Variants in KDM4C observed in about 807,000 individuals in gnomAD.
KDM4C encodes the protein lysine-specific demethylase 4C.
A neutral mutation model predicts 129.3 loss-of-function variants in KDM4C; 81 were observed. That is an observed-to-expected ratio of 0.63 (90% CI 0.52 to 0.75). The LOEUF is 0.75. Ranked by LOEUF, KDM4C falls within the 30% of genes least tolerant of loss-of-function variation. KDM4C has a pLI of 0.00. For missense variants in KDM4C, 1,457 were observed against 1,304.0 expected (o/e 1.12, Z -1.81); for synonymous variants, 573 against 456.1 (o/e 1.26, Z -3.26).
chr9:6,928,774 T>C (rs1485011386), intron 8 of KDM4C, among the ~76,000 whole-genome samples: 1 of 152,164 alleles, frequency 6.6e-6, no homozygotes, highest in Non-Finnish European at 1.5e-5. Context: ...ACCTTGGAGG[T>C]TGATGGCTAC....
chr9:6,779,277 G>A (rs13290274), intron 1 of KDM4C, among the ~76,000 whole-genome samples: 92,859 of 150,278 alleles, frequency 0.62, 29,005 homozygotes, highest in African/African-American at 0.72. Flanking sequence ...CGGCCTCCCA[G>A]AGTGCTGGGA....
Position 6,865,008 on chromosome 9 carries a change from C to CTTT in KDM4C, c.630-14990_630-14988dup, listed in dbSNP as rs777981928. ...TTCAATCTCTTTGTTAAATTTCTTTCTTTTTTTTTTTTTTTTGTGAGATAG... is the reference window on the plus strand; with the variant it reads ...TTCAATCTCTTTGTTAAATTTCTTTCTTTTTTTTTTTTTTTTTTTGTGAGATAG... On this transcript the variant is annotated intron_variant, in intron 5 of 21. Coordinates refer to ENST00000381309, the MANE Select transcript of KDM4C (RefSeq NM_015061.6). 3.1e-4 allele frequency among the ~76,000 whole-genome samples: 39 copies of CTTT among 126,584 alleles called. 4 individuals are homozygous for CTTT. Among genetic ancestry groups the CTTT allele is most frequent in the Non-Finnish European group, 4.6e-4 (28 of 60,706 alleles). 83.0% of individuals were successfully genotyped at this position (126,584 alleles called of 152,430 possible).
At chr9:7,057,612 T>C (rs1831040246) in intron 17 of KDM4C, among the ~76,000 whole-genome samples, 1 of 151,366 alleles carries the variant, frequency 6.6e-6, no homozygotes, top group Admixed American at 6.6e-5. Context: ...ATATTAGCTG[T>C]TATTCTCTTA....
chr9:7,062,841 A>C (rs1315942290), intron 17 of KDM4C, among the ~76,000 whole-genome samples: 1 of 152,190 alleles, frequency 6.6e-6, no homozygotes, highest in East Asian at 1.9e-4. Flanking sequence ...ATACGGGGAC[A>C]CAATGCTATT....
intron 18 of KDM4C, among the ~76,000 whole-genome samples, chr9:7,111,710 A>T (rs1295962449): frequency 6.6e-6 from 1 of 152,054 alleles, no homozygotes; most frequent in Non-Finnish European, 1.5e-5. Flanking sequence ...TTTACGGGGG[A>T]GTCAGGATGG....
intron 17 of KDM4C, among the ~76,000 whole-genome samples, chr9:7,079,084 C>CA (rs1834241355): frequency 6.6e-6 from 1 of 152,132 alleles, no homozygotes; most frequent in African/African-American, 2.4e-5. Context: ...TACAGTGAGC[C>CA]ATTCTTATCA....
chr9:6,919,222 C>CTTT (rs1563812029), intron 8 of KDM4C, among the ~76,000 whole-genome samples: 1,078 of 107,350 alleles, frequency 0.01, 33 homozygotes, highest in Middle Eastern at 0.03. Context: ...TTTTCTTTTT[C>CTTT]CTTCTTTCTT....
intron 17 of KDM4C, among the ~76,000 whole-genome samples, chr9:7,069,023 C>G (rs922780381): frequency 1.3e-5 from 2 of 152,220 alleles, no homozygotes; most frequent in African/African-American, 4.8e-5. Context: ...CTATCCGAAC[C>G]TTTCTTCTCA....
chr9:7,103,418 G>A (rs890058071), intron 17 of KDM4C, among the ~76,000 whole-genome samples: 8 of 152,162 alleles, frequency 5.3e-5, no homozygotes, highest in African/African-American at 1.7e-4. Flanking sequence ...GAGTATGTGC[G>A]AAAGTGTTTG....
chr9:7,026,574 G>C (rs1825854627), intron 15 of KDM4C, among the ~76,000 whole-genome samples: 2 of 151,838 alleles, frequency 1.3e-5, no homozygotes, highest in Non-Finnish European at 2.9e-5. Context: ...GTCTTCTTTG[G>C]GTTAGATCTG....
intron 8 of KDM4C, among the ~76,000 whole-genome samples, chr9:6,962,696 G>T (rs531263312): frequency 6.0e-4 from 92 of 152,078 alleles, no homozygotes; most frequent in Non-Finnish European, 1.2e-3. Flanking sequence ...TCACAACCCT[G>T]ACTCAGATTT....
chr9:6,752,611 T>C (rs1351119904), intron 1 of KDM4C, among the ~76,000 whole-genome samples: 1 of 151,726 alleles, frequency 6.6e-6, no homozygotes, highest in African/African-American at 2.4e-5. Flanking sequence ...AGTTTCACCA[T>C]GTTGGTTAGG....
intron 1 of KDM4C, among the ~76,000 whole-genome samples, chr9:6,740,359 C>A (rs946768353): frequency 2.0e-5 from 3 of 151,880 alleles, no homozygotes; most frequent in East Asian, 1.9e-4. Context: ...GCCCGTCACC[C>A]CACCTGGCTA....
chr9:7,159,842 G>GTGT (rs1391166294), intron 19 of KDM4C, among the ~76,000 whole-genome samples: 1 of 152,072 alleles, frequency 6.6e-6, no homozygotes, highest in East Asian at 1.9e-4. Flanking sequence ...TATCTTTGTG[G>GTGT]TGTTCTCTGT....
At position 6,763,073 on chromosome 9, in the gene KDM4C, A is replaced by G. The variant is rs985397313; in HGVS notation, c.-18+4870A>G. ...GGGGGGTAGAGGGGGCGTGGTTACG[A>G]TCTTCTAAATCCACACTTTCTGGGC... On this transcript the variant is annotated intron_variant, in intron 1 of 21. Coordinates refer to ENST00000381309, the MANE Select transcript of KDM4C (RefSeq NM_015061.6). Among the ~76,000 whole-genome samples, 7 of 151,852 alleles carry G rather than the reference A, an allele frequency of 4.6e-5. No individual in the cohort carries two copies. The East Asian group carries it at 5.8e-4, about 13-fold the overall frequency.
intron 17 of KDM4C, among the ~76,000 whole-genome samples, chr9:7,086,291 G>C (rs1587546551): frequency 6.6e-6 from 1 of 152,182 alleles, no homozygotes; most frequent in African/African-American, 2.4e-5. Context: ...GAATTTCTGA[G>C]TTAGGCCAAA....
intron 14 of KDM4C, 115 bp downstream of exon 14, chr9:7,014,116 G>A (rs1823210853): frequency 1.3e-5 from 10 of 748,310 alleles, no homozygotes; most frequent in Middle Eastern, 2.4e-4. Flanking sequence ...CATTCTTAAT[G>A]GTTATATCAT....
At position 7,128,300 on chromosome 9, in the gene KDM4C, G is replaced by A. The variant is rs1031660076; in HGVS notation, c.2781+64G>A. 9 of 1,303,746 alleles carry A rather than the reference G, an allele frequency of 6.9e-6. No homozygotes were observed. The Admixed American group carries it at 2.3e-4, about 34-fold the overall frequency. 80.8% of individuals were successfully genotyped at this position (1,303,746 alleles called of 1,614,324 possible). A position where few individuals can be genotyped will look rare whatever the true frequency, so the allele number is the denominator to read the frequency against. On this transcript the variant is annotated intron_variant, in intron 19 of 21. Transcript: ENST00000381309. ...TTTAAAAAAAAAAACCAAAGTAACT[G>A]AGCCCTTCAGAATTTTTCTTTTGGC...
intron 17 of KDM4C, among the ~76,000 whole-genome samples, chr9:7,095,815 T>C (rs1172841420): frequency 6.6e-6 from 1 of 152,180 alleles, no homozygotes; most frequent in Non-Finnish European, 1.5e-5. Context: ...GACGGTGACT[T>C]TTGTTAACCA....
Sources: allele counts gnomAD v4.1 joint callset (sites outside exome capture counted in the v4.1 genomes callset), GRCh38; gene constraint gnomAD v4.1.1; transcripts MANE v1.5; gene names NCBI Gene and HGNC (gene_info 2026-07-23, HGNC 2026-07-21).